ADARB2: variants seen among roughly 807,000 people sequenced by gnomAD.
The protein encoded by ADARB2 is inactive double-stranded RNA-specific editase B2.
A neutral mutation model predicts 62.2 loss-of-function variants in ADARB2; 25 were observed. The observed-to-expected ratio is 0.40, with a 90% CI of 0.29 to 0.56. ADARB2 has a LOEUF of 0.56. ADARB2 is among the 20% of genes least tolerant of loss of function. ADARB2 has a pLI of 0.43. For missense variants in ADARB2, 1,071 were observed against 1,077.4 expected (o/e 0.99, Z 0.08); for synonymous variants, 572 against 500.8 (o/e 1.14, Z -1.90).
chr10:1,574,853 A>G (rs1832988597), intron 1 of ADARB2, among the ~76,000 whole-genome samples: 1 of 152,210 alleles, frequency 6.6e-6, no homozygotes, highest in Admixed American at 6.5e-5. Flanking sequence ...GTTACCTGAC[A>G]TAAGGCAGGA....
intron 3 of ADARB2, among the ~76,000 whole-genome samples, chr10:1,352,193 C>G (rs912032402): frequency 2.6e-5 from 4 of 152,010 alleles, no homozygotes; most frequent in African/African-American, 9.7e-5. Flanking sequence ...CACACGTGCT[C>G]TCCCTGCCAA....
chr10:1,256,077 A>G (rs558176558), intron 4 of ADARB2, among the ~76,000 whole-genome samples: 5 of 152,334 alleles, frequency 3.3e-5, no homozygotes, highest in Admixed American at 2.6e-4. Context: ...CACAGTGCTC[A>G]ACTTGGAGTA....
At chr10:1,362,642 C>T (rs2131850162) in intron 3 of ADARB2, among the ~76,000 whole-genome samples, 1 of 152,218 alleles carries the variant, frequency 6.6e-6, no homozygotes, top group Admixed American at 6.5e-5. Flanking sequence ...CCGGCTGCTC[C>T]CAGGCACAGG....
intron 1 of ADARB2, among the ~76,000 whole-genome samples, chr10:1,724,257 A>T (rs1345619607): frequency 6.6e-6 from 1 of 152,052 alleles, no homozygotes; most frequent in Non-Finnish European, 1.5e-5. Context: ...AGCTGCACCC[A>T]TCTCTGCATC....
intron 1 of ADARB2, among the ~76,000 whole-genome samples, chr10:1,566,141 C>G (rs1284123184): frequency 4.2e-5 from 6 of 144,276 alleles, no homozygotes; most frequent in Non-Finnish European, 7.5e-5. Flanking sequence ...GTGTGTGTAT[C>G]TAGTTGAGAA....
At chr10:1,709,019 G>C (rs758405366) in intron 1 of ADARB2, among the ~76,000 whole-genome samples, 4 of 152,176 alleles carry the variant, frequency 2.6e-5, no homozygotes, top group Non-Finnish European at 4.4e-5. Context: ...GGGAGGAGGG[G>C]AGGTCACGTC....
chr10:1,588,805 T>G (rs1156627885), intron 1 of ADARB2, among the ~76,000 whole-genome samples: 2 of 152,090 alleles, frequency 1.3e-5, no homozygotes, highest in African/African-American at 4.8e-5. Flanking sequence ...GAGAAAAAGA[T>G]GTGGAGAGCT....
intron 1 of ADARB2, among the ~76,000 whole-genome samples, chr10:1,625,305 C>T (rs775075359): frequency 1.1e-4 from 16 of 152,190 alleles, no homozygotes; most frequent in Non-Finnish European, 2.4e-4. Context: ...GGGAAAATAC[C>T]CCTTTTTCCA....
chr10:1,403,914 A>T (rs554215940), intron 1 of ADARB2, among the ~76,000 whole-genome samples: 15 of 152,302 alleles, frequency 9.8e-5, no homozygotes, highest in Admixed American at 2.0e-4. Flanking sequence ...CACCTGTGTC[A>T]TCTGGGTGTG....
At chr10:1,561,661 G>A (rs988947427) in intron 1 of ADARB2, among the ~76,000 whole-genome samples, 1 of 152,106 alleles carries the variant, frequency 6.6e-6, no homozygotes, top group Non-Finnish European at 1.5e-5. Context: ...CAGCTGCTGG[G>A]CCTGATCCTG....
intron 4 of ADARB2, among the ~76,000 whole-genome samples, chr10:1,248,625 C>T (rs929233034): frequency 9.9e-5 from 15 of 152,218 alleles, no homozygotes; most frequent in African/African-American, 3.6e-4. Context: ...GTGCCAACAG[C>T]ATTTACTCCA....
chr10:1,629,811 C>T (rs1369470723), intron 1 of ADARB2, among the ~76,000 whole-genome samples: 2 of 152,120 alleles, frequency 1.3e-5, no homozygotes, highest in Non-Finnish European at 2.9e-5. Flanking sequence ...AACAGCCTTG[C>T]ACATGCCATT....
chr10:1,301,291 A>G (rs1053972190), intron 3 of ADARB2, among the ~76,000 whole-genome samples: 1 of 150,476 alleles, frequency 6.6e-6, no homozygotes, highest in Non-Finnish European at 1.5e-5. Flanking sequence ...TTAACTGCTG[A>G]ATGTTCATAG....
At chr10:1,528,449 A>C (rs1447447366) in intron 1 of ADARB2, among the ~76,000 whole-genome samples, 1 of 152,218 alleles carries the variant, frequency 6.6e-6, no homozygotes, top group Non-Finnish European at 1.5e-5. Context: ...GGCTCTCAGG[A>C]AGGACTTATG....
At chr10:1,706,990 T>C (rs7069753) in intron 1 of ADARB2, among the ~76,000 whole-genome samples, 110,635 of 152,004 alleles carry the variant, frequency 0.73, 43,073 homozygotes, top group South Asian at 0.89. Context: ...CATGGCTTCA[T>C]GCGTTCCTCT....
At chr10:1,613,619 A>C (rs1833597234) in intron 1 of ADARB2, among the ~76,000 whole-genome samples, 1 of 152,232 alleles carries the variant, frequency 6.6e-6, no homozygotes, top group South Asian at 2.1e-4. Context: ...CCAGGTTTAC[A>C]TGCTGTAATC....
chr10:1,592,096 G>A (rs1232598606), intron 1 of ADARB2, among the ~76,000 whole-genome samples: 2 of 152,234 alleles, frequency 1.3e-5, no homozygotes, highest in African/African-American at 4.8e-5. Flanking sequence ...GTGAATTCAA[G>A]ATCTTGTTTA....
chr10:1,405,633 A>G (rs1832701350), intron 1 of ADARB2, among the ~76,000 whole-genome samples: 2 of 148,822 alleles, frequency 1.3e-5, no homozygotes, highest in East Asian at 3.9e-4. Context: ...CAGTCTCAAA[A>G]AAAAAAAAAA....
Position 1,242,244 on chromosome 10 carries a change from G to A in ADARB2, c.1248C>T (p.Ile416=), listed in dbSNP as rs1417599372. Reference sequence around the variant, plus strand: ...CCTGGTCACTGAGGTGCTCGCCGCTGATGCACTTGGTCCCCGAGGACAGGG... The same window carrying A: ...CCTGGTCACTGAGGTGCTCGCCGCTAATGCACTTGGTCCCCGAGGACAGGG... ...VVALSSGTKC[I]SGEHLSDQGL... The change falls in exon 5 of 10, where the codon ATC becomes ATT. Residue 416 remains isoleucine (I), a synonymous_variant. Transcript: ENST00000381312. 6.3e-7 allele frequency: 1 copy of A among 1,592,782 alleles called. No individual in the cohort carries two copies. Among genetic ancestry groups the A allele is most frequent in the Admixed American group, 1.8e-5 (1 of 56,214 alleles).
Sources: gnomAD v4.1 joint callset for allele counts (sites outside exome capture counted in the v4.1 genomes callset) on GRCh38, gnomAD v4.1.1 for gene constraint, MANE v1.5 for transcripts, NCBI Gene and HGNC (gene_info 2026-07-23, HGNC 2026-07-21) for gene names.